The following SLC49A4 variants were observed in gnomAD, a reference collection of about 807,000 sequenced individuals.
SLC49A4 encodes the protein solute carrier family 49 member 4.
SLC49A4 carries 36 observed loss-of-function variants against 50.6 expected under a neutral mutation model. That is an observed-to-expected ratio of 0.71 (90% confidence interval 0.55 to 0.94). The LOEUF is 0.94. Among genes scored for constraint, SLC49A4 ranks in the 40% least tolerant of loss-of-function variants. The pLI is 0.00. For missense variants in SLC49A4, 503 were observed against 605.7 expected (o/e 0.83, Z 1.78); for synonymous variants, 248 against 241.2 (o/e 1.03, Z -0.26).
At chr3:122,830,965 A>G (rs564943454) in intron 3 of SLC49A4, among the ~76,000 whole-genome samples, 1 of 152,296 alleles carries the variant, frequency 6.6e-6, no homozygotes, top group African/African-American at 2.4e-5. Context: ...AAGTGGGTAA[A>G]GGACTCAAAC....
chr3:122,812,737 G>T (rs1256866939), intron 2 of SLC49A4, among the ~76,000 whole-genome samples: 1 of 152,116 alleles, frequency 6.6e-6, no homozygotes, highest in Non-Finnish European at 1.5e-5. Flanking sequence ...CCATCCTACA[G>T]TATAATCACA....
At chr3:122,854,858 G>A (rs1412290638) in intron 5 of SLC49A4, among the ~76,000 whole-genome samples, 3 of 152,176 alleles carry the variant, frequency 2.0e-5, no homozygotes, top group Admixed American at 6.5e-5. Context: ...TTGGGAGGCC[G>A]AGGCGGGCGG....
chr3:122,836,097 A>G (rs1936680637), intron 4 of SLC49A4, among the ~76,000 whole-genome samples: 1 of 152,180 alleles, frequency 6.6e-6, no homozygotes, highest in African/African-American at 2.4e-5. Context: ...GAAAGAAATC[A>G]TAGATGCCCA....
At chr3:122,843,740 C>T (rs1013112389) in intron 4 of SLC49A4, among the ~76,000 whole-genome samples, 1 of 152,194 alleles carries the variant, frequency 6.6e-6, no homozygotes, top group East Asian at 1.9e-4. Flanking sequence ...ATGTTCCCCT[C>T]TCCTTTATGG....
At chr3:122,846,080 G>C (rs940785147) in intron 5 of SLC49A4, among the ~76,000 whole-genome samples, 3 of 152,116 alleles carry the variant, frequency 2.0e-5, no homozygotes, top group Admixed American at 6.5e-5. Flanking sequence ...TCACATTTCT[G>C]TGGGCATTAT....
intron 2 of SLC49A4, among the ~76,000 whole-genome samples, chr3:122,812,777 G>C (rs1398900710): frequency 3.3e-5 from 5 of 152,156 alleles, no homozygotes; most frequent in Admixed American, 3.3e-4. Context: ...TTTTAAAGCA[G>C]ATTAAGGATT....
intron 5 of SLC49A4, among the ~76,000 whole-genome samples, chr3:122,847,460 G>C (rs1372255141): frequency 6.7e-6 from 1 of 149,618 alleles, no homozygotes; most frequent in Non-Finnish European, 1.5e-5. Flanking sequence ...CCATTCTTCT[G>C]CCTCAGCCTC....
At chr3:122,863,000 T>C (rs1025046035) in intron 7 of SLC49A4, among the ~76,000 whole-genome samples, 1 of 152,202 alleles carries the variant, frequency 6.6e-6, no homozygotes, top group African/African-American at 2.4e-5. Context: ...AAAACAATTA[T>C]GTTGGACAGA....
intron 5 of SLC49A4, among the ~76,000 whole-genome samples, chr3:122,846,677 T>C (rs1936857634): frequency 6.6e-6 from 1 of 152,234 alleles, no homozygotes; most frequent in Admixed American, 6.5e-5. Context: ...CCACATCATT[T>C]GCCACTTGTG....
chr3:122,830,442 C>T (rs185905190), intron 3 of SLC49A4, among the ~76,000 whole-genome samples: 1 of 152,296 alleles, frequency 6.6e-6, no homozygotes, highest in East Asian at 1.9e-4. Context: ...TAGCATAGTA[C>T]TGGCATAAGG....
At chr3:122,832,942 G>A (rs1034955453) in intron 3 of SLC49A4, among the ~76,000 whole-genome samples, 5 of 152,106 alleles carry the variant, frequency 3.3e-5, no homozygotes, top group African/African-American at 1.2e-4. Context: ...AAATACCTGA[G>A]AGGCCGGGCA....
chr3:122,856,231 A>G, intron 5 of SLC49A4, 76 bp from the exon 6 acceptor site: 1 of 1,390,834 alleles, frequency 7.2e-7, no homozygotes, highest in Non-Finnish European at 1.0e-6. Context: ...TATTGATTAT[A>G]GAGGACTTTT....
At chr3:122,831,855 T>G (rs1271565648) in intron 3 of SLC49A4, among the ~76,000 whole-genome samples, 2 of 152,086 alleles carry the variant, frequency 1.3e-5, no homozygotes, top group African/African-American at 4.8e-5. Flanking sequence ...AATATGCATA[T>G]TTTAGGTGCT....
chr3:122,842,537 G>A (rs1452627676), intron 4 of SLC49A4, among the ~76,000 whole-genome samples: 2 of 142,256 alleles, frequency 1.4e-5, no homozygotes, highest in Admixed American at 7.0e-5. Context: ...GATAGCAATA[G>A]AGAAGGGTAG....
intron 2 of SLC49A4, among the ~76,000 whole-genome samples, chr3:122,809,490 G>A (rs189928458): frequency 3.2e-4 from 48 of 152,266 alleles, no homozygotes; most frequent in African/African-American, 1.1e-3. Flanking sequence ...GGGAGGCTGA[G>A]ACAGGTGGAT....
At chr3:122,835,653 T>G (rs1936673035) in intron 4 of SLC49A4, among the ~76,000 whole-genome samples, 1 of 152,070 alleles carries the variant, frequency 6.6e-6, no homozygotes, top group African/African-American at 2.4e-5. Context: ...AACATCATAC[T>G]GAATGGGAAA....
chr3:122,834,880 T>C (rs1168501850), intron 4 of SLC49A4, among the ~76,000 whole-genome samples: 2 of 152,090 alleles, frequency 1.3e-5, no homozygotes, highest in Non-Finnish European at 2.9e-5. Context: ...TTACAGTCAA[T>C]ACCACAGAAA....
intron 2 of SLC49A4, among the ~76,000 whole-genome samples, chr3:122,817,350 C>T (rs1244479228): frequency 6.6e-6 from 1 of 152,158 alleles, no homozygotes; most frequent in African/African-American, 2.4e-5. Flanking sequence ...ATCAGGGAAA[C>T]AGATTCTCTT....
At chr3:122,838,834 G>A (rs893448650) in intron 4 of SLC49A4, among the ~76,000 whole-genome samples, 2 of 151,918 alleles carry the variant, frequency 1.3e-5, no homozygotes, top group African/African-American at 4.8e-5. Flanking sequence ...TACAGATTCA[G>A]TGCAGTTACT....
Sources: allele counts gnomAD v4.1 joint callset (sites outside exome capture counted in the v4.1 genomes callset), GRCh38; gene constraint gnomAD v4.1.1; transcripts MANE v1.5; gene names NCBI Gene and HGNC (gene_info 2026-07-23, HGNC 2026-07-21).